The following MTHFD1 variants were observed in gnomAD, a reference collection of about 807,000 sequenced individuals.
The protein encoded by MTHFD1 is C-1-tetrahydrofolate synthase, cytoplasmic.
In MTHFD1, 44 loss-of-function variants were observed where a neutral mutation model predicts 110.3. That is an observed-to-expected ratio of 0.40 (90% CI 0.31 to 0.51). MTHFD1 has a LOEUF of 0.51. Ranked by LOEUF, MTHFD1 falls within the 20% of genes least tolerant of loss-of-function variation. The pLI is 0.60. For missense variants in MTHFD1, 909 were observed against 1,173.1 expected, an observed-to-expected ratio of 0.77 and a Z score of 3.29; for synonymous variants, 402 against 428.8, an observed-to-expected ratio of 0.94 and a Z score of 0.77.
chr14:64,433,048 C>T (rs2078172458), intron 15 of MTHFD1, among the ~76,000 whole-genome samples: 1 of 152,212 alleles, frequency 6.6e-6, no homozygotes, highest in South Asian at 2.1e-4. Context: ...TGGCGTGAGC[C>T]ACCACGTCTG....
In MTHFD1 at chr14:64,403,734, C is replaced by T. The variant is rs61492945; in HGVS notation, c.126+2857C>T. The stretch of plus-strand genomic sequence containing the variant: ...AATTTTTTGTATTTTTTTGTAGAGA[C>T]GGTTTTTTGCCTTGTTGCCCAGGCT... On this transcript the variant is annotated intron_variant, in intron 2 of 27. Transcript: ENST00000652337. Among the ~76,000 whole-genome samples the T allele has an allele frequency of 4.7e-3, 713 of 151,824 alleles. 16 individuals are homozygous for T. In the East Asian group the frequency reaches 0.047, roughly 10 times the overall value.
chr14:64,409,205 C>A (rs191659824), intron 2 of MTHFD1, among the ~76,000 whole-genome samples: 10 of 152,296 alleles, frequency 6.6e-5, no homozygotes, highest in African/African-American at 1.7e-4. Context: ...CCAAAGACAA[C>A]ATCTCCGAAG....
chr14:64,398,554 A>AAAAT (rs574992315), intron 1 of MTHFD1, among the ~76,000 whole-genome samples: 3 of 152,248 alleles, frequency 2.0e-5, no homozygotes, highest in Non-Finnish European at 4.4e-5. Context: ...CTCAAAAAAT[A>AAAAT]AAATAAATAA....
chr14:64,429,910 A>G (rs985099490), intron 12 of MTHFD1, among the ~76,000 whole-genome samples: 12 of 152,238 alleles, frequency 7.9e-5, no homozygotes, highest in African/African-American at 2.9e-4. Context: ...TGTAACTGTC[A>G]GCTGGGTGTT....
intron 1 of MTHFD1, among the ~76,000 whole-genome samples, chr14:64,397,182 TATATATATA>T (rs1465422679): frequency 0.02 from 297 of 15,192 alleles, 18 homozygotes; most frequent in African/African-American, 0.055. Flanking sequence ...TATATATATA[TATATATATA>T]AAAAACAGTA....
intron 22 of MTHFD1, among the ~76,000 whole-genome samples, chr14:64,447,149 C>CTTTTTTTTT (rs35824559): frequency 3.6e-5 from 2 of 56,226 alleles, no homozygotes; most frequent in Non-Finnish European, 6.0e-5. Flanking sequence ...CAGCTCAGTT[C>CTTTTTTTTT]TTTTTTTTTT....
intron 4 of MTHFD1, among the ~76,000 whole-genome samples, chr14:64,414,329 G>T (rs1403724167): frequency 8.9e-6 from 1 of 112,804 alleles, no homozygotes; most frequent in African/African-American, 3.5e-5. Flanking sequence ...GTCTTGCTCT[G>T]TTGCCCAGGC....
At chr14:64,408,151 A>C (rs1160794570) in intron 2 of MTHFD1, among the ~76,000 whole-genome samples, 1 of 152,178 alleles carries the variant, frequency 6.6e-6, no homozygotes, top group Non-Finnish European at 1.5e-5. Flanking sequence ...AAAGCCTAAA[A>C]TATACACCGT....
intron 26 of MTHFD1, among the ~76,000 whole-genome samples, chr14:64,455,707 G>T (rs912854827): frequency 6.6e-6 from 1 of 152,232 alleles, no homozygotes; most frequent in Non-Finnish European, 1.5e-5. Flanking sequence ...AGTATAGTAA[G>T]AAAGTGGTAG....
intron 27 of MTHFD1, among the ~76,000 whole-genome samples, chr14:64,458,974 A>G (rs1355851994): frequency 6.6e-6 from 1 of 152,182 alleles, no homozygotes; most frequent in Non-Finnish European, 1.5e-5. Flanking sequence ...AAATCCTAAC[A>G]TCTTTCTCCA....
At chr14:64,416,906 A>T (rs1180385800) in intron 6 of MTHFD1, among the ~76,000 whole-genome samples, 1 of 152,230 alleles carries the variant, frequency 6.6e-6, no homozygotes, top group Non-Finnish European at 1.5e-5. Context: ...GTTACCTTTT[A>T]AAACTTTGAG....
intron 3 of MTHFD1, 89 bp downstream of exon 3, chr14:64,411,238 A>G: frequency 1.0e-6 from 1 of 965,468 alleles, no homozygotes; most frequent in African/African-American, 1.6e-5. Flanking sequence ...CCTCCCTGTG[A>G]AAACTTTTAT....
At chr14:64,434,177 TGCAGA>T (rs1403220812) in intron 15 of MTHFD1, among the ~76,000 whole-genome samples, 3 of 152,328 alleles carry the variant, frequency 2.0e-5, no homozygotes, top group African/African-American at 7.2e-5. Context: ...AATGTGAATT[TGCAGA>T]TATCGGGATA....
At chr14:64,438,707 T>C (rs2078225049) in intron 16 of MTHFD1, among the ~76,000 whole-genome samples, 1 of 152,200 alleles carries the variant, frequency 6.6e-6, no homozygotes, top group Admixed American at 6.5e-5. Context: ...CTCCTGCATT[T>C]CTTACGGTGG....
At chr14:64,448,530 C>G (rs762456708) in intron 23 of MTHFD1, 1 of 575,990 alleles carries the variant, frequency 1.7e-6, no homozygotes, top group Non-Finnish European at 3.1e-6. Flanking sequence ...CTCCTATGGG[C>G]CCTTTTCCTT....
intron 24 of MTHFD1, among the ~76,000 whole-genome samples, chr14:64,453,514 T>C (rs1487294156): frequency 6.6e-6 from 1 of 152,152 alleles, no homozygotes; most frequent in Non-Finnish European, 1.5e-5. Flanking sequence ...GGGGTTACAG[T>C]GAACTGAGAT....
At chr14:64,400,676 G>T in intron 1 of MTHFD1, 117 bp from the exon 2 acceptor site, 1 of 738,366 alleles carries the variant, frequency 1.4e-6, no homozygotes, top group Admixed American at 2.0e-5. Context: ...GTGACAGAGC[G>T]AGACCCTGTG....
chr14:64,396,907 A>C (rs1242432090), intron 1 of MTHFD1, among the ~76,000 whole-genome samples: 2 of 147,330 alleles, frequency 1.4e-5, no homozygotes, highest in African/African-American at 5.0e-5. Context: ...GATCGAGACC[A>C]TCTTGGCTAA....
Position 64,431,767 on chromosome 14 carries a change from G to A in MTHFD1, c.1420-20G>A. On this transcript the variant is annotated intron_variant, in intron 14 of 27. Coordinates refer to ENST00000652337, the MANE Select transcript of MTHFD1 (RefSeq NM_005956.4). ...GCAGTGGGGCTCCTCTCATTTTAAAGCCCCTTTCTTTTCTTTAAGGCTCTC... is the reference window on the plus strand; with the variant it reads ...GCAGTGGGGCTCCTCTCATTTTAAAACCCCTTTCTTTTCTTTAAGGCTCTC... 6.2e-7 allele frequency: 1 copy of A among 1,613,040 alleles called. No homozygotes were observed. Among genetic ancestry groups the A allele is most frequent in the Non-Finnish European group, 8.5e-7 (1 of 1,179,006 alleles).
Sources: gnomAD v4.1 joint callset for allele counts (sites outside exome capture counted in the v4.1 genomes callset) on GRCh38, gnomAD v4.1.1 for gene constraint, MANE v1.5 for transcripts, NCBI Gene and HGNC (gene_info 2026-07-23, HGNC 2026-07-21) for gene names.